The following RASIP1 variants were observed in gnomAD, a reference collection of about 807,000 sequenced individuals.
RASIP1 encodes the protein Ras interacting protein 1.
RASIP1 carries 20 observed loss-of-function variants against 85.3 expected under a neutral mutation model. The ratio of observed to expected loss-of-function variants is 0.23; its 90% CI spans 0.17 to 0.34. The LOEUF is 0.34. RASIP1 is among the 10% of genes least tolerant of loss of function. The pLI is 1.00. For missense variants in RASIP1, 1,170 were observed against 1,390.9 expected, an observed-to-expected ratio of 0.84 and a Z score of 2.53; for synonymous variants, 617 against 647.1, an observed-to-expected ratio of 0.95 and a Z score of 0.71.
chr19:48,726,507 TGAGCCACCGC>T (rs1342120169), intron 8 of RASIP1, among the ~76,000 whole-genome samples: 1 of 152,192 alleles, frequency 6.6e-6, no homozygotes, highest in African/African-American at 2.4e-5. Context: ...ATTACAGATG[TGAGCCACCGC>T]GTTTGCCCAG....
In RASIP1 at chr19:48,729,387, G is replaced by A. The variant is rs1195323792; in HGVS notation, c.1383C>T (p.Asn461=). The change falls in exon 5 of 12, where the codon AAC becomes AAT. Residue 461 remains asparagine, a synonymous_variant. Coordinates refer to ENST00000222145, the MANE Select transcript of RASIP1 (RefSeq NM_017805.3). ...RPSRGAPVTH[N]GCLLLREAEL... ...CAGCCTCCCGCAGCAGGAGGCACCC[G>A]TTGTGCGTGACTGGGGCGCCCCGGG... The A allele has an allele frequency of 1.9e-6, 3 of 1,556,180 alleles. No homozygotes were observed. Among genetic ancestry groups the A allele is most frequent in the Non-Finnish European group, 2.6e-6 (3 of 1,150,322 alleles).
chr19:48,730,198 G>A (rs544124966), intron 4 of RASIP1, among the ~76,000 whole-genome samples: 2 of 146,896 alleles, frequency 1.4e-5, no homozygotes, highest in African/African-American at 5.0e-5. Flanking sequence ...ACAGAGTCAC[G>A]CTCTGTTGCC....
intron 11 of RASIP1, among the ~76,000 whole-genome samples, chr19:48,721,577 C>T (rs918422390): frequency 6.6e-6 from 1 of 151,996 alleles, no homozygotes; most frequent in Non-Finnish European, 1.5e-5. Flanking sequence ...CCGAGGCGGG[C>T]GGATCACGAG....
Position 48,729,024 on chromosome 19 carries a change from G to A in RASIP1, c.1746C>T (p.Cys582=), listed in dbSNP as rs1478205096. 5.6e-6 allele frequency: 8 copies of A among 1,434,168 alleles called. No homozygotes were observed. The highest frequency in any genetic ancestry group is 2.0e-4 in the Middle Eastern group (1 of 5,100). The allele number at this position is 1,434,168 out of a possible 1,614,324, so 88.8% of individuals were successfully genotyped here. Residue 582 remains cysteine, a synonymous_variant, in exon 5 of 12, where the codon TGC becomes TGT. Transcript: ENST00000222145. The stretch of plus-strand genomic sequence containing the variant: ...CCAGCTCACGGGCGGAATGCTGCAC[G>A]CACAGCGCCAGCAGCGTGGCGGGCC... ...PLGPATLLAL[C]VQHSARELEL...
chr19:48,734,438 C>T lies in RASIP1; in HGVS notation c.1179+758G>A, dbSNP rs183175377. On this transcript the variant is annotated intron_variant, in intron 4 of 11. Transcript: ENST00000222145. ...AAGAGATCCTCCTGCCTCAGTCTCC[C>T]GAGTAGCTGGGACCACAGGTGCACA... is the stretch of plus-strand genomic sequence containing the variant. 6.9e-3 allele frequency among the ~76,000 whole-genome samples: 1,043 copies of T among 150,960 alleles called. 12 individuals carry two copies. The highest frequency in any genetic ancestry group is 0.023 in the African/African-American group (938 of 41,206).
chr19:48,735,793 CTT>C (rs113487965), intron 3 of RASIP1, among the ~76,000 whole-genome samples: 17 of 145,256 alleles, frequency 1.2e-4, no homozygotes, highest in Non-Finnish European at 1.5e-4. Flanking sequence ...ATTTGTTCTT[CTT>C]TTTTTTTTTT....
chr19:48,734,110 C>T (rs930160284), intron 4 of RASIP1, among the ~76,000 whole-genome samples: 4 of 151,886 alleles, frequency 2.6e-5, no homozygotes, highest in Non-Finnish European at 5.9e-5. Flanking sequence ...CCTGGCTAAA[C>T]GGTGAAACCT....
rs1228739794 is a variant in RASIP1 at position 48,737,816 on chromosome 19, GGCCCCGCCCCACAACAT to G, written c.823+1127_823+1143del. Reference sequence around the variant, plus strand: ...TTTCCACAAGCCCCGCCCCACCACAGGCCCCGCCCCACAACATGCCCCGCCCATCTGCTCTGCATCGC... The same window carrying G: ...TTTCCACAAGCCCCGCCCCACCACAGGCCCCGCCCATCTGCTCTGCATCGC... On this transcript the variant is annotated intron_variant, in intron 3 of 11. Coordinates refer to ENST00000222145, the MANE Select transcript of RASIP1 (RefSeq NM_017805.3). 6 of 983,096 alleles carry G rather than the reference GGCCCCGCCCCACAACAT, an allele frequency of 6.1e-6. No homozygotes were observed. In the Admixed American group the frequency reaches 3.1e-4, roughly 51 times the overall value. 60.9% of individuals were successfully genotyped at this position (983,096 alleles called of 1,614,324 possible). A position where few individuals can be genotyped will look rare whatever the true frequency, so the allele number is the denominator to read the frequency against.
At chr19:48,737,487 A>C in intron 3 of RASIP1, 1 of 985,276 alleles carries the variant, frequency 1.0e-6, no homozygotes, top group South Asian at 4.7e-5. Context: ...CTCTACAGTG[A>C]TATCTTCCTT....
chr19:48,722,287 A>G (rs890801711), intron 10 of RASIP1, among the ~76,000 whole-genome samples: 5 of 143,930 alleles, frequency 3.5e-5, no homozygotes, highest in African/African-American at 1.3e-4. Flanking sequence ...GAATCTGGCG[A>G]TGGTACTTGG....
At chr19:48,731,938 C>A (rs573875161) in intron 4 of RASIP1, among the ~76,000 whole-genome samples, 1 of 152,348 alleles carries the variant, frequency 6.6e-6, no homozygotes, top group Non-Finnish European at 1.5e-5. Context: ...TTGGCACCTA[C>A]AGTGAACTTT....
At position 48,729,599 on chromosome 19, in the gene RASIP1, G is replaced by A. The variant is rs1249771801; in HGVS notation, c.1180-9C>T. 10 of 1,584,038 alleles carry A rather than the reference G, an allele frequency of 6.3e-6. No homozygotes were observed. The highest frequency in any genetic ancestry group is 2.7e-5 in the African/African-American group (2 of 74,010). On this transcript the variant is annotated splice_polypyrimidine_tract_variant and intron_variant, in intron 4 of 11. Transcript: ENST00000222145. The stretch of plus-strand genomic sequence containing the variant: ...ACATACACCACAAAGTCCTGGAGGG[G>A]AAACGAGGATGCACTAAGGACATCA...
chr19:48,724,645 G>A lies in RASIP1; in HGVS notation c.2371+72C>T, dbSNP rs1189841181. 8.8e-6 allele frequency: 14 copies of A among 1,593,090 alleles called. No homozygotes were observed. The highest frequency in any genetic ancestry group is 1.3e-5 in the African/African-American group (1 of 74,610). ...CCCAAAGGTGAGGCTTGAGCCCGTG[G>A]TGTGTCTAATATGACCTGAGTCTCA... On this transcript the variant is annotated intron_variant, in intron 9 of 11. Coordinates refer to ENST00000222145, the MANE Select transcript of RASIP1 (RefSeq NM_017805.3). This position sits in a 1 kb window ranked among gnomAD's most constrained non-coding sequence, Gnocchi z 4.6.
intron 5 of RASIP1, among the ~76,000 whole-genome samples, chr19:48,727,679 ATTC>A (rs2033365877): frequency 3.0e-5 from 4 of 133,736 alleles, no homozygotes; most frequent in Non-Finnish European, 4.8e-5. Flanking sequence ...CTTCATACGG[ATTC>A]TTTTTTTTTT....
At chr19:48,731,365 A>G (rs369093244) in intron 4 of RASIP1, among the ~76,000 whole-genome samples, 1 of 151,838 alleles carries the variant, frequency 6.6e-6, no homozygotes, top group East Asian at 1.9e-4. Context: ...CACTCCCCCA[A>G]CGGAGGATTT....
chr19:48,729,267 C>A lies in RASIP1; in HGVS notation c.1503G>T (p.Pro501=), dbSNP rs550230228. ...RTGGSGPARP[P]WLPARPGATP... Reference sequence around the variant, plus strand: ...TGGCCCCGGGGCGCGCGGGCAGCCACGGCGGCCTCGCAGGCCCCGAGCCCC... The same window carrying A: ...TGGCCCCGGGGCGCGCGGGCAGCCAAGGCGGCCTCGCAGGCCCCGAGCCCC... The change falls in exon 5 of 12, where the codon CCG becomes CCT. Residue 501 remains proline (P), a synonymous_variant. Coordinates refer to ENST00000222145, the MANE Select transcript of RASIP1 (RefSeq NM_017805.3). 16 of 1,507,852 alleles carry A rather than the reference C, an allele frequency of 1.1e-5. No homozygotes were observed. In the Admixed American group the frequency reaches 3.6e-4, roughly 34 times the overall value. The allele number at this position is 1,507,852 out of a possible 1,614,324, so 93.4% of individuals were successfully genotyped here. A position where few individuals can be genotyped will look rare whatever the true frequency, so the allele number is the denominator to read the frequency against.
chr19:48,724,349 A>C lies in RASIP1; in HGVS notation c.2532T>G (p.Thr844=). The C allele has an allele frequency of 1.2e-6, 2 of 1,613,966 alleles. No individual in the cohort carries two copies. Among genetic ancestry groups the C allele is most frequent in the Non-Finnish European group, 1.7e-6 (2 of 1,179,912 alleles). Residue 844 remains threonine, a synonymous_variant, in exon 10 of 12, where the codon ACT becomes ACG. Coordinates refer to ENST00000222145, the MANE Select transcript of RASIP1 (RefSeq NM_017805.3). The surrounding 1 kb of genome is among the most constrained non-coding windows in gnomAD (Gnocchi z 4.6). ...MAVNLLCVPR[T]SLLKASWSSL... ...GACCAGGAGTCACCTTGAGCAGGGA[A>C]GTGCGGGGCACACAGAGCAGGTTCA...
Position 48,729,155 on chromosome 19 carries a change from C to A in RASIP1, c.1615G>T (p.Asp539Tyr). The A allele has an allele frequency of 7.6e-7, 1 of 1,317,334 alleles. No individual in the cohort carries two copies. Among genetic ancestry groups the A allele is most frequent in the Non-Finnish European group, 9.7e-7 (1 of 1,031,598 alleles). The allele number at this position is 1,317,334 out of a possible 1,614,324, so 81.6% of individuals were successfully genotyped here. Residue 539 changes from aspartate to tyrosine, a missense_variant, in exon 5 of 12, where the codon GAC becomes TAC. By Grantham distance (160) the Asp-to-Tyr change is radical. Transcript: ENST00000222145. The stretch of plus-strand genomic sequence containing the variant: ...AAGCGCAGGACTGGCTCACGGCCGT[C>A]CAGGTAGGCGGCCAGTGCCTCGCCG... ...ERGEALAAYL[D>Y]GREPVLRFRP...
chr19:48,727,040 C>T lies in RASIP1; in HGVS notation c.1990G>A (p.Val664Met), dbSNP rs1396988516. 1 of 1,614,214 alleles carries T rather than the reference C, an allele frequency of 6.2e-7. No individual in the cohort carries two copies. Among genetic ancestry groups the T allele is most frequent in the Non-Finnish European group, 8.5e-7 (1 of 1,180,052 alleles). Residue 664 changes from valine to methionine, a missense_variant, in exon 7 of 12, where the codon GTG becomes ATG. This residue lies in a region of RASIP1 where 426 missense variants were observed against 576.2 expected (regional missense o/e 0.74). Coordinates refer to ENST00000222145, the MANE Select transcript of RASIP1 (RefSeq NM_017805.3). ...TCAGCCTCCTTCTCCATTTCCAGCACCTTCTCCTGCACAAAGCTAAGCAGC... is the reference window on the plus strand; with the variant it reads ...TCAGCCTCCTTCTCCATTTCCAGCATCTTCTCCTGCACAAAGCTAAGCAGC... Reference protein sequence around the residue: ...TELLSFVQEKVLEMEKEADQE... With the variant: ...TELLSFVQEKMLEMEKEADQE...
Sources: gnomAD v4.1 joint callset for allele counts (sites outside exome capture counted in the v4.1 genomes callset) on GRCh38, gnomAD v4.1.1 for gene constraint, gnomAD v4.1.1 regional missense constraint, Gnocchi (gnomAD v3.1) non-coding constraint, MANE v1.5 for transcripts, NCBI Gene and HGNC (gene_info 2026-07-23, HGNC 2026-07-21) for gene names.